ERICH2: variants seen among roughly 807,000 people sequenced by gnomAD.
The protein encoded by ERICH2 is glutamate rich 2, also known as glutamate-rich protein 2.
A neutral mutation model predicts 17.4 loss-of-function variants in ERICH2; 17 were observed. The ratio of observed to expected loss-of-function variants is 0.98; its 90% CI spans 0.67 to 1.47. The LOEUF is 1.47. ERICH2 is among the 40% of genes most tolerant of loss of function. The pLI, the probability that ERICH2 is intolerant of heterozygous loss-of-function variation, is 0.00. For synonymous variants in ERICH2, 51 were observed against 61.1 expected (o/e 0.83, Z 0.77); for missense variants, 186 against 183.2 (o/e 1.01, Z -0.09).
rs1701478388 is a variant in ERICH2, at chr2:170,798,244, T to TTTA, written c.346+132_346+133insTTA. The TTTA allele has an allele frequency of 5.9e-6, 4 of 673,536 alleles. No homozygotes were observed. The Admixed American group carries it at 9.6e-5, about 16-fold the overall frequency. The allele number at this position is 673,536 out of a possible 1,614,324, so 41.7% of individuals were successfully genotyped here. A position where few individuals can be genotyped will look rare whatever the true frequency, so the allele number is the denominator to read the frequency against. ...GAAAAGGCTAAATGGCTGTCTTAAA[T>TTTA]GGTTTAGTGAAACAGCTTGTCCTCT... On this transcript the variant is annotated intron_variant, in intron 4 of 4. Transcript: ENST00000409885.
chr2:170,796,499 G>A (rs553887050), intron 3 of ERICH2, among the ~76,000 whole-genome samples: 4 of 145,386 alleles, frequency 2.8e-5, no homozygotes, highest in East Asian at 2.0e-4. Flanking sequence ...GCAGTGGCAC[G>A]ATTTCAACCC....
rs1559258132 is a variant in ERICH2, at chr2:170,798,152, T to TC, written c.346+40_346+41insC. ...TGAAATTCCTTGTTTCTCATAGAAC[T>TC]ATAAGCAGTCACTTTAAAAACCCAT... On this transcript the variant is annotated intron_variant, in intron 4 of 4. Coordinates refer to ENST00000409885, the Ensembl canonical transcript of ERICH2. 4.5e-6 allele frequency: 6 copies of TC among 1,335,532 alleles called. No individual in the cohort carries two copies. In the African/African-American group the frequency reaches 8.8e-5, roughly 19 times the overall value. The allele number at this position is 1,335,532 out of a possible 1,614,324, so 82.7% of individuals were successfully genotyped here.
At chr2:170,788,230 G>C (rs773417865) in intron 2 of ERICH2, among the ~76,000 whole-genome samples, 3 of 152,104 alleles carry the variant, frequency 2.0e-5, no homozygotes, top group African/African-American at 7.2e-5. Flanking sequence ...GTCTTCTTTT[G>C]ACTAGACACC....
exon 2 of ERICH2, chr2:170,784,781 A>C: frequency 6.5e-7 from 1 of 1,542,480 alleles, no homozygotes; most frequent in South Asian, 1.2e-5. Flanking sequence ...GATGATGATG[A>C]AGATAGTAAC....
the ERICH2 span, among the ~76,000 whole-genome samples, chr2:170,774,090 C>T: frequency 6.6e-6 from 1 of 152,188 alleles, no homozygotes; most frequent in Non-Finnish European, 1.5e-5. Flanking sequence ...CTGTGCTGTT[C>T]CCATTGCCAC....
At chr2:170,782,260 A>C (rs1431917890), upstream of ERICH2, 1 of 943,434 alleles carries the variant, frequency 1.1e-6, no homozygotes. Context: ...CCCTTCTAAG[A>C]ATATTGCAAA....
chr2:170,787,568 C>G (rs1701186519), intron 2 of ERICH2, among the ~76,000 whole-genome samples: 1 of 152,236 alleles, frequency 6.6e-6, no homozygotes, highest in African/African-American at 2.4e-5. Flanking sequence ...TCTAGTGATT[C>G]TTTCTCCAGA....
At chr2:170,794,783 G>A (rs936157322) in intron 3 of ERICH2, among the ~76,000 whole-genome samples, 2 of 152,180 alleles carry the variant, frequency 1.3e-5, no homozygotes, top group Non-Finnish European at 2.9e-5. Flanking sequence ...ATTGAGTGAC[G>A]GTCTGCCCTG....
At chr2:170,789,832 G>A (rs1701243901) in intron 2 of ERICH2, among the ~76,000 whole-genome samples, 1 of 152,098 alleles carries the variant, frequency 6.6e-6, no homozygotes, top group Non-Finnish European at 1.5e-5. Context: ...ATTCCTAAAT[G>A]TTTAGGTATG....
At chr2:170,784,708 G>T in exon 2 of ERICH2, 1 of 1,546,344 alleles carries the variant, frequency 6.5e-7, no homozygotes, top group Non-Finnish European at 8.7e-7. Context: ...TTGCCTTCAG[G>T]ATATTGATGA....
chr2:170,782,234 C>T, upstream of ERICH2: 1 of 896,850 alleles, frequency 1.1e-6, no homozygotes, highest in Non-Finnish European at 1.3e-6. Flanking sequence ...CACTGTCTAA[C>T]ATATAGGAAG....
chr2:170,783,784 T>C, upstream of ERICH2: 5 of 1,550,178 alleles, frequency 3.2e-6, no homozygotes, highest in Non-Finnish European at 4.4e-6. Context: ...CATCAGTGCA[T>C]TGAGTCAGTC....
the ERICH2 span, among the ~76,000 whole-genome samples, chr2:170,775,230 C>T: frequency 6.6e-6 from 1 of 151,488 alleles, no homozygotes; most frequent in South Asian, 2.1e-4. Flanking sequence ...GAGTTCAAGA[C>T]CAGCTTGGGC....
chr2:170,787,347 G>A (rs1701181870), intron 2 of ERICH2, among the ~76,000 whole-genome samples: 1 of 152,140 alleles, frequency 6.6e-6, no homozygotes, highest in Non-Finnish European at 1.5e-5. Context: ...AAGGTGCTTG[G>A]AAGCAGGTAT....
intron 3 of ERICH2, among the ~76,000 whole-genome samples, chr2:170,797,811 A>AGAAAG (rs879056432): frequency 7.3e-6 from 1 of 136,754 alleles, no homozygotes; most frequent in African/African-American, 2.8e-5. Context: ...AAAAAAAAAA[A>AGAAAG]AAAGAAAGAA....
intron 3 of ERICH2, 55 bp from the exon 9 acceptor site, chr2:170,797,986 T>G: frequency 8.1e-7 from 1 of 1,233,142 alleles, no homozygotes; most frequent in South Asian, 1.3e-5. Context: ...GGAGCCTGTT[T>G]GCTGCAACAC....
intron 2 of ERICH2, among the ~76,000 whole-genome samples, chr2:170,787,191 T>C (rs1188149186): frequency 6.6e-6 from 1 of 152,168 alleles, no homozygotes; most frequent in Admixed American, 6.5e-5. Context: ...AGCTGGGGAC[T>C]ACAGGTGCAC....
At chr2:170,792,895 G>T in exon 3 of ERICH2, 1 of 1,514,396 alleles carries the variant, frequency 6.6e-7, no homozygotes, top group Non-Finnish European at 8.9e-7. Context: ...GAGAGTACCA[G>T]CTGGCAAAAA....
At chr2:170,795,346 G>A (rs147748089) in intron 3 of ERICH2, among the ~76,000 whole-genome samples, 1,781 of 149,922 alleles carry the variant, frequency 0.012, 48 homozygotes, top group African/African-American at 0.041. Flanking sequence ...AAACACTGAA[G>A]TATTATTATT....
Sources: allele counts gnomAD v4.1 joint callset (sites outside exome capture counted in the v4.1 genomes callset), GRCh38; gene constraint gnomAD v4.1.1; transcripts MANE v1.5; gene names NCBI Gene and HGNC (gene_info 2026-07-23, HGNC 2026-07-21).